Variants in NKAIN2 observed in about 807,000 individuals in gnomAD.
NKAIN2 encodes the protein sodium/potassium transporting ATPase interacting 2.
A neutral mutation model predicts 32.6 loss-of-function variants in NKAIN2; 14 were observed. The ratio of observed to expected loss-of-function variants is 0.43; its 90% confidence interval spans 0.28 to 0.67. NKAIN2 has a LOEUF of 0.67. Ranked by LOEUF, NKAIN2 falls within the 30% of genes least tolerant of loss-of-function variation. NKAIN2 has a pLI of 0.17. For missense variants in NKAIN2, 198 were observed against 258.3 expected, an observed-to-expected ratio of 0.77 and a Z score of 1.60; for synonymous variants, 80 against 87.2, an observed-to-expected ratio of 0.92 and a Z score of 0.46.
chr6:124,077,977 C>T (rs1184353238), intron 1 of NKAIN2, among the ~76,000 whole-genome samples: 2 of 152,136 alleles, frequency 1.3e-5, no homozygotes, highest in African/African-American at 4.8e-5. Flanking sequence ...AATACCTTAG[C>T]ATTGAGGCTG....
At chr6:124,120,719 A>G (rs1426956066) in intron 1 of NKAIN2, among the ~76,000 whole-genome samples, 1 of 152,138 alleles carries the variant, frequency 6.6e-6, no homozygotes, top group Non-Finnish European at 1.5e-5. Context: ...ATGATATATA[A>G]ATATCAACTG....
chr6:123,989,449 A>G (rs1779320261), intron 1 of NKAIN2, among the ~76,000 whole-genome samples: 1 of 152,190 alleles, frequency 6.6e-6, no homozygotes, highest in Non-Finnish European at 1.5e-5. Flanking sequence ...AAAGAACCTT[A>G]ACAGTTATAG....
chr6:124,490,276 T>C (rs1239446593), intron 3 of NKAIN2: 1 of 390,328 alleles, frequency 2.6e-6, no homozygotes, highest in African/African-American at 2.1e-5. Flanking sequence ...TCACCACCAA[T>C]TACAGAATGT....
intron 2 of NKAIN2, among the ~76,000 whole-genome samples, chr6:124,348,180 G>C (rs190079111): frequency 6.6e-6 from 1 of 152,132 alleles, no homozygotes; most frequent in Non-Finnish European, 1.5e-5. Flanking sequence ...GCTGCTGTCT[G>C]CTTGTTCCTC....
intron 1 of NKAIN2, among the ~76,000 whole-genome samples, chr6:124,080,506 A>G (rs1341632350): frequency 6.6e-6 from 1 of 152,096 alleles, no homozygotes; most frequent in African/African-American, 2.4e-5. Context: ...AATATTTTTT[A>G]TCAATTTTCC....
rs140409570 is a variant in NKAIN2 at position 124,696,768 on chromosome 6, A to ATT, written c.474+38397_474+38398dup. Among the ~76,000 whole-genome samples, 420 of 138,956 alleles carry ATT rather than the reference A, an allele frequency of 3.0e-3. 1 individual carries two copies. Among genetic ancestry groups the ATT allele is most frequent in the East Asian group, 8.7e-3 (40 of 4,624 alleles). 91.2% of individuals were successfully genotyped at this position (138,956 alleles called of 152,430 possible). ...AATTTACAAAAAAGTAAAAGGATCT[A>ATT]TTTTTTTTTTTTTTTTGCAGGAAAA... On this transcript the variant is annotated intron_variant, in intron 4 of 6. Transcript: ENST00000368417.
chr6:123,833,091 C>T (rs191535553), intron 1 of NKAIN2, among the ~76,000 whole-genome samples: 3 of 152,230 alleles, frequency 2.0e-5, no homozygotes, highest in Admixed American at 2.0e-4. Context: ...TTGTGTTTTA[C>T]ATTTAAATCT....
intron 1 of NKAIN2, among the ~76,000 whole-genome samples, chr6:123,810,072 T>G (rs1773393287): frequency 6.6e-6 from 1 of 152,164 alleles, no homozygotes; most frequent in African/African-American, 2.4e-5. Flanking sequence ...TAAATATGTT[T>G]TTTTTTCCCC....
chr6:123,982,553 G>C (rs1406559775), intron 1 of NKAIN2, among the ~76,000 whole-genome samples: 3 of 152,090 alleles, frequency 2.0e-5, no homozygotes, highest in Non-Finnish European at 2.9e-5. Flanking sequence ...GTAGGAAAAG[G>C]ATTGGGTTTG....
intron 1 of NKAIN2, among the ~76,000 whole-genome samples, chr6:124,059,811 G>GT (rs1224700358): frequency 1.3e-5 from 2 of 151,770 alleles, no homozygotes; most frequent in Admixed American, 6.6e-5. Context: ...ACATCTCTTT[G>GT]TTTTTTTCCT....
At chr6:124,328,409 C>T (rs1001649600) in intron 2 of NKAIN2, among the ~76,000 whole-genome samples, 1 of 152,102 alleles carries the variant, frequency 6.6e-6, no homozygotes, top group Non-Finnish European at 1.5e-5. Context: ...TATGGTGATT[C>T]ATCAAAGTGT....
chr6:124,052,404 A>G (rs1040013126), intron 1 of NKAIN2, among the ~76,000 whole-genome samples: 4 of 151,968 alleles, frequency 2.6e-5, no homozygotes, highest in African/African-American at 9.7e-5. Flanking sequence ...TTTTATGTTT[A>G]TTATCCATTT....
intron 3 of NKAIN2, among the ~76,000 whole-genome samples, chr6:124,430,940 G>A (rs1775193170): frequency 6.6e-6 from 1 of 152,114 alleles, no homozygotes; most frequent in South Asian, 2.1e-4. Flanking sequence ...GGAATTTTCA[G>A]CATGATTCAG....
At chr6:124,612,013 GT>G (rs1011148584) in intron 3 of NKAIN2, among the ~76,000 whole-genome samples, 13 of 148,566 alleles carry the variant, frequency 8.8e-5, no homozygotes, top group African/African-American at 2.5e-4. Flanking sequence ...GGTATTTCCA[GT>G]TTTTTTTAAG....
intron 1 of NKAIN2, among the ~76,000 whole-genome samples, chr6:124,025,897 C>T (rs28627556): frequency 0.012 from 1,759 of 152,244 alleles, 29 homozygotes; most frequent in African/African-American, 0.04. Flanking sequence ...CTGCCTTTCT[C>T]CCCTGAAACA....
intron 2 of NKAIN2, among the ~76,000 whole-genome samples, chr6:124,347,221 C>A (rs1562504290): frequency 6.6e-6 from 1 of 152,192 alleles, no homozygotes; most frequent in South Asian, 2.1e-4. Flanking sequence ...GTCTGATGGG[C>A]TTCCCTTTGT....
In NKAIN2 at chr6:124,616,668, G is replaced by C. The variant is rs1195680935; in HGVS notation, c.274-41518G>C. Among the ~76,000 whole-genome samples, 3 of 151,136 alleles carry C rather than the reference G, an allele frequency of 2.0e-5. No individual in the cohort carries two copies. The East Asian group carries it at 5.8e-4, about 29-fold the overall frequency. On this transcript the variant is annotated intron_variant, in intron 3 of 6. Transcript: ENST00000368417. ...TTTAGTAGAGACGGGGTTTCACCCT[G>C]TTAGCCAGGATGGTCTTGATCTCCT... is the stretch of plus-strand genomic sequence containing the variant.
intron 2 of NKAIN2, among the ~76,000 whole-genome samples, chr6:124,318,344 G>T (rs1424973555): frequency 6.6e-6 from 1 of 151,382 alleles, no homozygotes; most frequent in Non-Finnish European, 1.5e-5. Context: ...ATCTTGTTTG[G>T]GGAGTTTTAT....
intron 1 of NKAIN2, among the ~76,000 whole-genome samples, chr6:123,910,545 C>T (rs1362021654): frequency 8.2e-6 from 1 of 122,132 alleles, no homozygotes; most frequent in African/African-American, 3.3e-5. Flanking sequence ...CGCTCTTTCA[C>T]CAGGCTGGAG....
Sources: gnomAD v4.1 joint callset for allele counts (sites outside exome capture counted in the v4.1 genomes callset) on GRCh38, gnomAD v4.1.1 for gene constraint, MANE v1.5 for transcripts, NCBI Gene and HGNC (gene_info 2026-07-23, HGNC 2026-07-21) for gene names.